The following MEDAG variants were observed in gnomAD, a reference collection of about 807,000 sequenced individuals.
The protein encoded by MEDAG is mesenteric estrogen dependent adipogenesis, also known as mesenteric estrogen-dependent adipogenesis protein.
A neutral mutation model predicts 29.9 loss-of-function variants in MEDAG; 25 were observed. The observed-to-expected ratio is 0.84, with a 90% CI of 0.61 to 1.17. MEDAG has a LOEUF of 1.17. Ranked by LOEUF, MEDAG falls within the 50% of genes most tolerant of loss-of-function variation. MEDAG has a pLI of 0.00. For missense variants in MEDAG, 398 were observed against 372.9 expected (o/e 1.07, Z -0.56); for synonymous variants, 158 against 148.2 (o/e 1.07, Z -0.48).
chr13:30,910,193 AAC>A lies in MEDAG; in HGVS notation c.278+3424_278+3425del, dbSNP rs77242350. 2.4e-3 allele frequency among the ~76,000 whole-genome samples: 352 copies of A among 149,262 alleles called. 1 individual carries two copies. Among genetic ancestry groups the A allele is most frequent in the African/African-American group, 3.8e-3 (152 of 40,342 alleles). ...TACCATTAACTACGACACACACACAAACACACACACACACACACACACACATG... is the reference window on the plus strand; with the variant it reads ...TACCATTAACTACGACACACACACAAACACACACACACACACACACACATG... On this transcript the variant is annotated intron_variant, in intron 1 of 4. Coordinates refer to ENST00000380482, the MANE Select transcript of MEDAG (RefSeq NM_032849.4).
intron 1 of MEDAG, among the ~76,000 whole-genome samples, chr13:30,907,064 GC>G (rs1566124495): frequency 6.6e-6 from 1 of 152,154 alleles, no homozygotes; most frequent in African/African-American, 2.4e-5. Context: ...GAGGGCAGGG[GC>G]CCCCCAGCCA....
chr13:30,910,435 A>G (rs1260885331), intron 1 of MEDAG, among the ~76,000 whole-genome samples: 1 of 152,214 alleles, frequency 6.6e-6, no homozygotes. Flanking sequence ...AGTTTGCATT[A>G]CTGTTGTTTC....
In MEDAG at chr13:30,906,704, G is replaced by A; in HGVS notation, c.189G>A (p.Pro63=). ...DQLVVARPGE[P]AAARGGFNVF... ...TCGTGGTGGCCAGGCCCGGGGAGCC[G>A]GCGGCGGCGCGGGGGGGCTTCAACG... is the stretch of plus-strand genomic sequence containing the variant. The change falls in exon 1 of 5, where the codon CCG becomes CCA. Residue 63 remains proline (P), a synonymous_variant. Coordinates refer to ENST00000380482, the MANE Select transcript of MEDAG (RefSeq NM_032849.4). The A allele has an allele frequency of 6.6e-7, 1 of 1,519,342 alleles. No individual in the cohort carries two copies. Among genetic ancestry groups the A allele is most frequent in the African/African-American group, 1.4e-5 (1 of 71,058 alleles). 94.1% of individuals were successfully genotyped at this position (1,519,342 alleles called of 1,614,324 possible). A position where few individuals can be genotyped will look rare whatever the true frequency, so the allele number is the denominator to read the frequency against.
intron 1 of MEDAG, 28 bp downstream of exon 1, chr13:30,906,821 C>A: frequency 7.0e-7 from 1 of 1,435,114 alleles, no homozygotes; most frequent in Non-Finnish European, 9.1e-7. Flanking sequence ...GCGCCCTGGC[C>A]CGTCGCCTGG....
intron 3 of MEDAG, 30 bp from the exon 4 acceptor site, chr13:30,921,531 A>C: frequency 6.4e-7 from 1 of 1,566,288 alleles, no homozygotes; most frequent in Non-Finnish European, 8.6e-7. Flanking sequence ...TATGTCCATT[A>C]AGTCAATGCA....
intron 2 of MEDAG, among the ~76,000 whole-genome samples, chr13:30,918,633 G>A (rs1158725723): frequency 6.6e-6 from 1 of 152,140 alleles, no homozygotes; most frequent in Non-Finnish European, 1.5e-5. Context: ...TGGGCATAAC[G>A]TTCTGTAATA....
chr13:30,918,987 A>G (rs1005297382), intron 2 of MEDAG, among the ~76,000 whole-genome samples: 3 of 152,238 alleles, frequency 2.0e-5, no homozygotes, highest in Non-Finnish European at 2.9e-5. Context: ...AATCTAAAAA[A>G]AGAGTAAGAG....
chr13:30,910,510 T>C (rs1388546889), intron 1 of MEDAG, among the ~76,000 whole-genome samples: 1 of 152,254 alleles, frequency 6.6e-6, no homozygotes, highest in African/African-American at 2.4e-5. Flanking sequence ...AAGATGCTGC[T>C]AAGTGGGAGA....
intron 2 of MEDAG, among the ~76,000 whole-genome samples, 160 bp downstream of exon 2, chr13:30,917,672 C>T (rs779559542): frequency 7.2e-5 from 11 of 152,112 alleles, no homozygotes; most frequent in East Asian, 1.9e-4. Context: ...TGGTGGAAGG[C>T]GAAGGGAAAG....
rs542537001 is a variant in MEDAG, at chr13:30,917,636, G to A, written c.388+124G>A. The A allele has an allele frequency of 1.5e-3, 902 of 618,386 alleles. 3 individuals are homozygous for A. The highest frequency in any genetic ancestry group is 7.4e-3 in the Middle Eastern group (17 of 2,286). The allele number at this position is 618,386 out of a possible 1,614,324, so 38.3% of individuals were successfully genotyped here. ...CAGGCTATACAGGCTTCTGCTTCTG[G>A]GGAGGCCTCAGGAAACTTACAATCA... On this transcript the variant is annotated intron_variant, in intron 2 of 4. Transcript: ENST00000380482.
chr13:30,918,820 G>A (rs966115046), intron 2 of MEDAG, among the ~76,000 whole-genome samples: 3 of 152,198 alleles, frequency 2.0e-5, no homozygotes, highest in Non-Finnish European at 4.4e-5. Context: ...CTGCAGGAGA[G>A]GCCAGGAACA....
At chr13:30,919,738 C>T (rs1314811893) in intron 2 of MEDAG, among the ~76,000 whole-genome samples, 4 of 152,196 alleles carry the variant, frequency 2.6e-5, no homozygotes. Flanking sequence ...CAGTGTAAAA[C>T]ACTGAGTTCT....
chr13:30,911,603 A>T (rs1170737694), intron 1 of MEDAG, among the ~76,000 whole-genome samples: 2 of 152,128 alleles, frequency 1.3e-5, no homozygotes, highest in Non-Finnish European at 2.9e-5. Context: ...TTACCCCAGT[A>T]CGTGGCTATA....
At position 30,923,354 on chromosome 13, in the gene MEDAG, C is replaced by T. The variant is rs112554373; in HGVS notation, c.788-957C>T. Among the ~76,000 whole-genome samples the T allele has an allele frequency of 4.6e-3, 701 of 152,172 alleles. 3 individuals are homozygous for T. Among genetic ancestry groups the T allele is most frequent in the South Asian group, 6.9e-3 (33 of 4,816 alleles). On this transcript the variant is annotated intron_variant, in intron 4 of 4. Coordinates refer to ENST00000380482, the MANE Select transcript of MEDAG (RefSeq NM_032849.4). The stretch of plus-strand genomic sequence containing the variant: ...CTCCTCTCTCTCTCCATCTCTTTCT[C>T]TTTCTCTCTGTGTGTTTTTCTCTCC...
intron 1 of MEDAG, among the ~76,000 whole-genome samples, chr13:30,908,380 G>A (rs1016498163): frequency 1.3e-5 from 2 of 152,214 alleles, no homozygotes; most frequent in Admixed American, 6.5e-5. Context: ...AAATAGCAAG[G>A]AGCCTCTGAA....
At chr13:30,922,215 A>C in intron 4 of MEDAG, 1 of 157,900 alleles carries the variant, frequency 6.3e-6, no homozygotes, top group Non-Finnish European at 1.4e-5. Context: ...AACAAAAATG[A>C]TCAGTTGGGA....
chr13:30,920,191 A>T (rs986027133), intron 2 of MEDAG, among the ~76,000 whole-genome samples: 1 of 152,098 alleles, frequency 6.6e-6, no homozygotes. Context: ...GGCATGGGGT[A>T]GGGGTAGGGG....
intron 2 of MEDAG, among the ~76,000 whole-genome samples, chr13:30,920,206 G>A (rs1952969479): frequency 6.6e-6 from 1 of 152,158 alleles, no homozygotes; most frequent in Non-Finnish European, 1.5e-5. Context: ...TAGGGGTGGA[G>A]GTGGAAAGCA....
intron 4 of MEDAG, among the ~76,000 whole-genome samples, chr13:30,923,963 G>T (rs762448629): frequency 6.6e-6 from 1 of 152,218 alleles, no homozygotes; most frequent in Non-Finnish European, 1.5e-5. Context: ...ACCCACGACA[G>T]GCAGAGCACG....
Sources: allele counts gnomAD v4.1 joint callset (sites outside exome capture counted in the v4.1 genomes callset), GRCh38; gene constraint gnomAD v4.1.1; transcripts MANE v1.5; gene names NCBI Gene and HGNC (gene_info 2026-07-23, HGNC 2026-07-21).